Variants in CACNA2D3 observed in about 807,000 individuals in gnomAD.
CACNA2D3 encodes the protein calcium voltage-gated channel auxiliary subunit alpha2delta 3, also known as voltage-dependent calcium channel subunit alpha-2/delta-3.
Under a neutral mutation model 160.6 loss-of-function variants are expected in CACNA2D3, and 60 were observed. The ratio of observed to expected loss-of-function variants is 0.37; its 90% CI spans 0.30 to 0.46. CACNA2D3 has a LOEUF of 0.46. Among genes scored for constraint, CACNA2D3 ranks in the 20% least tolerant of loss-of-function variants. CACNA2D3 has a pLI of 1.00. For missense variants in CACNA2D3, 1,205 were observed against 1,365.0 expected (o/e 0.88, Z 1.85); for synonymous variants, 558 against 492.9 (o/e 1.13, Z -1.75).
intron 27 of CACNA2D3, among the ~76,000 whole-genome samples, chr3:54,931,634 GGAGCTAGCT>G (rs1701194348): frequency 6.6e-6 from 1 of 152,140 alleles, no homozygotes; most frequent in Non-Finnish European, 1.5e-5. Context: ...TTCCCACATG[GGAGCTAGCT>G]GCAGATGCAC....
chr3:54,251,701 G>A (rs998853971), intron 2 of CACNA2D3, among the ~76,000 whole-genome samples: 4 of 152,138 alleles, frequency 2.6e-5, no homozygotes, highest in Non-Finnish European at 5.9e-5. Flanking sequence ...GTTTAGTTCT[G>A]GCCCTTGACA....
At chr3:54,560,467 A>C (rs1298484406) in intron 5 of CACNA2D3, among the ~76,000 whole-genome samples, 1 of 152,188 alleles carries the variant, frequency 6.6e-6, no homozygotes, top group Middle Eastern at 3.2e-3. Context: ...TTCCTTATAG[A>C]TGCTGGATAT....
intron 2 of CACNA2D3, among the ~76,000 whole-genome samples, chr3:54,202,492 A>G (rs1473258488): frequency 2.0e-5 from 3 of 152,206 alleles, no homozygotes; most frequent in Non-Finnish European, 4.4e-5. Context: ...TTATACTGTG[A>G]GTTGATATAC....
At chr3:54,596,211 G>A (rs1393233903) in intron 9 of CACNA2D3, among the ~76,000 whole-genome samples, 5 of 151,108 alleles carry the variant, frequency 3.3e-5, no homozygotes, top group Admixed American at 1.3e-4. Context: ...TCCAGTCCCC[G>A]CCCCCCATAT....
chr3:54,413,903 C>T (rs1329827343), intron 4 of CACNA2D3, among the ~76,000 whole-genome samples: 1 of 97,062 alleles, frequency 1.0e-5, no homozygotes. Context: ...ACTGCTTTTT[C>T]TTTTTAAGTC....
chr3:54,313,417 G>A (rs115202756), intron 2 of CACNA2D3, among the ~76,000 whole-genome samples: 1,538 of 152,154 alleles, frequency 0.01, 29 homozygotes, highest in African/African-American at 0.035. Context: ...GCACACTGAG[G>A]TTATTCAAAA....
At chr3:55,050,117 T>C (rs1259812453) in intron 35 of CACNA2D3, among the ~76,000 whole-genome samples, 1 of 151,866 alleles carries the variant, frequency 6.6e-6, no homozygotes, top group Admixed American at 6.6e-5. Flanking sequence ...AAAGTTAATA[T>C]TGTTATGTAT....
intron 4 of CACNA2D3, among the ~76,000 whole-genome samples, chr3:54,389,566 A>G (rs938121399): frequency 2.0e-5 from 3 of 152,188 alleles, no homozygotes; most frequent in African/African-American, 7.2e-5. Context: ...ATCGAAGTTA[A>G]TGTCACCAAT....
intron 10 of CACNA2D3, among the ~76,000 whole-genome samples, chr3:54,640,158 A>C (rs984409520): frequency 1.3e-5 from 2 of 152,192 alleles, no homozygotes; most frequent in African/African-American, 4.8e-5. Flanking sequence ...GTGTACGTGC[A>C]TGTCATAGGG....
intron 5 of CACNA2D3, among the ~76,000 whole-genome samples, chr3:54,527,570 T>G (rs1457163527): frequency 2.0e-5 from 3 of 152,220 alleles, no homozygotes; most frequent in African/African-American, 7.2e-5. Flanking sequence ...GGTCCCAGTC[T>G]TCTCAGAAAG....
chr3:54,235,628 T>G (rs980019578), intron 2 of CACNA2D3, among the ~76,000 whole-genome samples: 2 of 152,198 alleles, frequency 1.3e-5, no homozygotes, highest in African/African-American at 4.8e-5. Context: ...TAATTCGACA[T>G]GAGATTTGGT....
At chr3:54,248,695 A>C (rs538122296) in intron 2 of CACNA2D3, among the ~76,000 whole-genome samples, 1 of 152,170 alleles carries the variant, frequency 6.6e-6, no homozygotes, top group East Asian at 1.9e-4. Flanking sequence ...TGGACTTCTC[A>C]GTCTCCAGAA....
At chr3:54,630,421 G>C (rs573276609) in intron 10 of CACNA2D3, among the ~76,000 whole-genome samples, 1 of 152,110 alleles carries the variant, frequency 6.6e-6, no homozygotes, top group East Asian at 1.9e-4. Flanking sequence ...CATAGCATGC[G>C]CAGTTTAATG....
intron 2 of CACNA2D3, among the ~76,000 whole-genome samples, chr3:54,228,112 A>G (rs1701707303): frequency 6.6e-6 from 1 of 152,122 alleles, no homozygotes; most frequent in Admixed American, 6.5e-5. Context: ...TCCAAGACCA[A>G]ATTTCTGCCT....
chr3:54,260,052 T>C (rs913932841), intron 2 of CACNA2D3, among the ~76,000 whole-genome samples: 14 of 152,250 alleles, frequency 9.2e-5, no homozygotes, highest in African/African-American at 3.4e-4. Flanking sequence ...TTGATGTTTA[T>C]AGACGTGGAG....
At chr3:54,697,853 T>C (rs1700692130) in intron 11 of CACNA2D3, among the ~76,000 whole-genome samples, 2 of 152,134 alleles carry the variant, frequency 1.3e-5, no homozygotes, top group South Asian at 4.2e-4. Flanking sequence ...GATGGAGCAA[T>C]TAATTTAGTT....
intron 23 of CACNA2D3, among the ~76,000 whole-genome samples, chr3:54,887,739 G>A (rs1386240500): frequency 3.3e-5 from 5 of 152,190 alleles, no homozygotes; most frequent in African/African-American, 1.2e-4. Flanking sequence ...AAGGCTCTCA[G>A]TTGACTACCT....
intron 13 of CACNA2D3, among the ~76,000 whole-genome samples, chr3:54,812,841 G>C (rs1703354386): frequency 6.6e-6 from 1 of 152,164 alleles, no homozygotes; most frequent in Non-Finnish European, 1.5e-5. Context: ...AATATTGTCT[G>C]TTTCCTCACC....
intron 6 of CACNA2D3, among the ~76,000 whole-genome samples, chr3:54,565,251 G>A (rs1702390251): frequency 6.6e-6 from 1 of 152,158 alleles, no homozygotes; most frequent in African/African-American, 2.4e-5. Flanking sequence ...ACCACCATGG[G>A]GAGATAGACA....
Sources: gnomAD v4.1 joint callset for allele counts (sites outside exome capture counted in the v4.1 genomes callset) on GRCh38, gnomAD v4.1.1 for gene constraint, MANE v1.5 for transcripts, NCBI Gene and HGNC (gene_info 2026-07-23, HGNC 2026-07-21) for gene names.